The following PCDHA11 variants were observed in gnomAD, a reference collection of about 807,000 sequenced individuals.
PCDHA11 encodes the protein protocadherin alpha-11.
In PCDHA11, 61 loss-of-function variants were observed where a neutral mutation model predicts 70.3. The ratio of observed to expected loss-of-function variants is 0.87; its 90% CI spans 0.71 to 1.07. The LOEUF (loss-of-function observed/expected upper bound fraction) is 1.07. PCDHA11 is among the 50% of genes least tolerant of loss of function. The pLI, the probability that PCDHA11 is intolerant of heterozygous loss-of-function variation, is 0.00. For missense variants in PCDHA11, 1,324 were observed against 1,237.5 expected (o/e 1.07, Z -1.05); for synonymous variants, 633 against 555.1 (o/e 1.14, Z -1.97).
intron 1 of PCDHA11, among the ~76,000 whole-genome samples, chr5:140,935,456 C>G (rs981681011): frequency 6.6e-6 from 1 of 152,150 alleles, no homozygotes; most frequent in Non-Finnish European, 1.5e-5. Flanking sequence ...GATACTGTAG[C>G]AGTTTAAGTT....
chr5:140,883,559 G>A (rs2059672435), intron 1 of PCDHA11: 5 of 1,614,074 alleles, frequency 3.1e-6, no homozygotes, highest in Non-Finnish European at 4.2e-6. Context: ...GCGGGACGGG[G>A]GCTCGCCTTC....
At chr5:140,902,905 G>A (rs933013740) in intron 1 of PCDHA11, among the ~76,000 whole-genome samples, 3 of 152,174 alleles carry the variant, frequency 2.0e-5, no homozygotes, top group Admixed American at 6.5e-5. Flanking sequence ...TTTAGTTTAT[G>A]GCTGAGTAGT....
At chr5:141,008,352 A>C (rs549122044) in intron 3 of PCDHA11, among the ~76,000 whole-genome samples, 2 of 152,322 alleles carry the variant, frequency 1.3e-5, no homozygotes, top group South Asian at 4.1e-4. Flanking sequence ...TTCACGTGTC[A>C]ACCAAAGGAG....
chr5:140,907,693 G>A (rs573463032), intron 1 of PCDHA11, among the ~76,000 whole-genome samples: 49 of 152,318 alleles, frequency 3.2e-4, no homozygotes, highest in Non-Finnish European at 6.5e-4. Flanking sequence ...GTGAGTGGAA[G>A]TCCCTGTTGC....
chr5:140,942,588 A>T (rs1416575390), intron 1 of PCDHA11, among the ~76,000 whole-genome samples: 1 of 149,588 alleles, frequency 6.7e-6, no homozygotes, highest in South Asian at 2.1e-4. Flanking sequence ...AGGATGTCAC[A>T]TATAATTATA....
intron 3 of PCDHA11, among the ~76,000 whole-genome samples, chr5:141,004,079 A>G (rs1192943756): frequency 1.3e-5 from 2 of 152,210 alleles, no homozygotes; most frequent in Non-Finnish European, 2.9e-5. Context: ...TTAGGGGTAG[A>G]AATGTGCTTC....
chr5:140,967,907 A>C (rs1311525554), intron 1 of PCDHA11: 1 of 1,614,180 alleles, frequency 6.2e-7, no homozygotes, highest in Non-Finnish European at 8.5e-7. Flanking sequence ...TGCTACACCC[A>C]ACACCATTGT....
intron 1 of PCDHA11, among the ~76,000 whole-genome samples, chr5:140,922,896 A>C (rs551056851): frequency 1.6e-3 from 238 of 152,336 alleles, no homozygotes; most frequent in Non-Finnish European, 2.0e-3. Context: ...TTCAAGAAAA[A>C]ATTTTGAGAT....
chr5:140,911,687 G>A (rs1554194873), intron 1 of PCDHA11, among the ~76,000 whole-genome samples: 1 of 152,166 alleles, frequency 6.6e-6, no homozygotes, highest in Non-Finnish European at 1.5e-5. Context: ...CGTGCATCAG[G>A]AGTGTCAAAT....
intron 1 of PCDHA11, among the ~76,000 whole-genome samples, chr5:140,885,790 G>T (rs141648269): frequency 0.012 from 1,822 of 152,058 alleles, 11 homozygotes; most frequent in Non-Finnish European, 0.018. Context: ...TGAGCATATT[G>T]TCATATGTAT....
intron 1 of PCDHA11, among the ~76,000 whole-genome samples, chr5:140,907,616 G>A (rs2073492016): frequency 6.6e-6 from 1 of 152,216 alleles, no homozygotes; most frequent in Non-Finnish European, 1.5e-5. Flanking sequence ...CATATCAAGG[G>A]CTCAGTGTTG....
At chr5:140,893,409 T>C (rs2153442529) in intron 1 of PCDHA11, among the ~76,000 whole-genome samples, 1 of 152,154 alleles carries the variant, frequency 6.6e-6, no homozygotes, top group South Asian at 2.1e-4. Context: ...TCCCAGCACT[T>C]AGGGAGGCAG....
chr5:140,994,217 T>G (rs781792763), intron 3 of PCDHA11, among the ~76,000 whole-genome samples: 2 of 152,110 alleles, frequency 1.3e-5, no homozygotes, highest in Non-Finnish European at 2.9e-5. Flanking sequence ...GGACCCAGGG[T>G]CTGTCTATGT....
rs941007574 is a variant in PCDHA11 at position 141,010,090 on chromosome 5, C to G, written c.*153C>G. ...AAGTTCCCTGTGTCTGTCTAGAACG[C>G]ATTTAACAGGTTTTGTCGTAAAAGC... On this transcript the variant is annotated 3_prime_UTR_variant, in exon 4 of 4. Transcript: ENST00000398640. 1.5e-5 allele frequency: 24 copies of G among 1,612,636 alleles called. No homozygotes were observed. Among genetic ancestry groups the G allele is most frequent in the Non-Finnish European group, 2.0e-5 (24 of 1,179,276 alleles).
intron 1 of PCDHA11, among the ~76,000 whole-genome samples, chr5:140,898,839 A>C (rs2066999324): frequency 6.6e-6 from 1 of 152,280 alleles, no homozygotes; most frequent in East Asian, 1.9e-4. Flanking sequence ...ATGTTCTTCC[A>C]TTTCTTTGTA....
intron 3 of PCDHA11, among the ~76,000 whole-genome samples, chr5:141,006,816 G>C (rs1554260932): frequency 6.6e-6 from 1 of 152,082 alleles, no homozygotes; most frequent in African/African-American, 2.4e-5. Flanking sequence ...TGAGAAATGG[G>C]GTAAATGGGG....
At chr5:140,875,835 G>A in intron 1 of PCDHA11, 1 of 1,614,196 alleles carries the variant, frequency 6.2e-7, no homozygotes, top group East Asian at 2.2e-5. Context: ...ATGTGGACGT[G>A]GAGGTGAAGG....
At chr5:140,884,068 T>A (rs1554181200) in intron 1 of PCDHA11, 1 of 1,613,416 alleles carries the variant, frequency 6.2e-7, no homozygotes. Context: ...TGGACGCCGA[T>A]TCGGGCTACA....
intron 1 of PCDHA11, among the ~76,000 whole-genome samples, chr5:140,886,712 G>A (rs950364984): frequency 1.3e-5 from 2 of 151,798 alleles, no homozygotes; most frequent in Middle Eastern, 3.4e-3. Flanking sequence ...TGTAATCCCA[G>A]CTACTTGGGA....
Sources: allele counts gnomAD v4.1 joint callset (sites outside exome capture counted in the v4.1 genomes callset), GRCh38; gene constraint gnomAD v4.1.1; transcripts MANE v1.5; gene names NCBI Gene and HGNC (gene_info 2026-07-23, HGNC 2026-07-21).